USP35: variants seen among roughly 807,000 people sequenced by gnomAD.
The protein encoded by USP35 is ubiquitin carboxyl-terminal hydrolase 35.
In USP35, 69 loss-of-function variants were observed where a neutral mutation model predicts 83.8. The observed-to-expected ratio is 0.82, with a 90% CI of 0.68 to 1.01. The LOEUF (loss-of-function observed/expected upper bound fraction) is 1.01. Ranked by LOEUF, USP35 falls within the 50% of genes least tolerant of loss-of-function variation. The pLI is 0.00. For missense variants in USP35, 1,503 were observed against 1,362.5 expected, an observed-to-expected ratio of 1.10 and a Z score of -1.62; for synonymous variants, 714 against 589.5, an observed-to-expected ratio of 1.21 and a Z score of -3.06.
Position 78,214,171 on chromosome 11 carries a change from A to G in USP35, c.*358A>G, listed in dbSNP as rs775049457. On this transcript the variant is annotated 3_prime_UTR_variant, in exon 11 of 11. Transcript: ENST00000529308. Reference sequence around the variant, plus strand: ...CCTCAGCTCCAATGTTTTGACATCAAGTACTATTTTCCTTCCGACTGCTGT... The same window carrying G: ...CCTCAGCTCCAATGTTTTGACATCAGGTACTATTTTCCTTCCGACTGCTGT... 56 of 190,038 alleles carry G rather than the reference A, an allele frequency of 2.9e-4. No homozygotes were observed. Among genetic ancestry groups the G allele is most frequent in the Admixed American group, 1.9e-3 (30 of 15,790 alleles). 11.8% of individuals were successfully genotyped at this position (190,038 alleles called of 1,614,324 possible).
Position 78,197,683 on chromosome 11 carries a change from G to A in USP35, c.674-253G>A, listed in dbSNP as rs572999309. Among the ~76,000 whole-genome samples, 7 of 152,184 alleles carry A rather than the reference G, an allele frequency of 4.6e-5. No homozygotes were observed. The East Asian group carries it at 7.7e-4, about 17-fold the overall frequency. ...CAGCGTTTCCCCTCCTAAAGGCCTT[G>A]CCCTGAAACCCACTCTTGATCAGTG... On this transcript the variant is annotated intron_variant, in intron 2 of 10. Coordinates refer to ENST00000529308, the MANE Select transcript of USP35 (RefSeq NM_020798.4).
intron 6 of USP35, among the ~76,000 whole-genome samples, chr11:78,204,658 C>T (rs1863480001): frequency 6.6e-6 from 1 of 152,050 alleles, no homozygotes; most frequent in Non-Finnish European, 1.5e-5. Flanking sequence ...GGTGGAGGGA[C>T]AGGCGAGGAG....
intron 7 of USP35, 84 bp downstream of exon 7, chr11:78,206,119 G>C (rs1376412680): frequency 1.3e-6 from 2 of 1,502,568 alleles, no homozygotes; most frequent in East Asian, 2.3e-5. Context: ...TGTCCGGGGT[G>C]GGGGTTGGAG....
At position 78,196,107 on chromosome 11, in the gene USP35, C is replaced by G; in HGVS notation, c.-10-129C>G. On this transcript the variant is annotated intron_variant, in intron 1 of 10. Coordinates refer to ENST00000529308, the MANE Select transcript of USP35 (RefSeq NM_020798.4). This position sits in a 1 kb window ranked among gnomAD's most constrained non-coding sequence, Gnocchi z 4.8. ...GTGAAATGACGCCCTTGCCCCATTTCACAGATGAGAAAACTGAGGCCCAGA... is the reference window on the plus strand; with the variant it reads ...GTGAAATGACGCCCTTGCCCCATTTGACAGATGAGAAAACTGAGGCCCAGA... 1 of 1,393,184 alleles carries G rather than the reference C, an allele frequency of 7.2e-7. No individual in the cohort carries two copies. Among genetic ancestry groups the G allele is most frequent in the Non-Finnish European group, 9.3e-7 (1 of 1,073,768 alleles). The allele number at this position is 1,393,184 out of a possible 1,614,324, so 86.3% of individuals were successfully genotyped here.
At chr11:78,233,040 G>GTTTTTTTTTT in the USP35 span, among the ~76,000 whole-genome samples, 1,016 of 131,764 alleles carry the variant, frequency 7.7e-3, 39 homozygotes, top group African/African-American at 0.027. Flanking sequence ...GCACTGTTAA[G>GTTTTTTTTTT]TTTTTTTTTT....
Position 78,196,645 on chromosome 11 carries a change from G to A in USP35, c.400G>A (p.Glu134Lys), listed in dbSNP as rs558845630. 1.5e-6 allele frequency: 2 copies of A among 1,376,754 alleles called. No homozygotes were observed. The highest frequency in any genetic ancestry group is 1.9e-6 in the Non-Finnish European group (2 of 1,073,916). The allele number at this position is 1,376,754 out of a possible 1,614,324, so 85.3% of individuals were successfully genotyped here. Residue 134 changes from glutamate (E) to lysine (K), a missense_variant, in exon 2 of 11, where the codon GAG becomes AAG. Physicochemically the swap from Glu to Lys is moderately conservative, Grantham distance 56. Transcript: ENST00000529308. The surrounding 1 kb of genome is among the most constrained non-coding windows in gnomAD (Gnocchi z 4.8). Reference sequence around the variant, plus strand: ...GCGCGAGGTGCTGCGCACCGTGTGCGAGCGCCCGGGCCCCGCGGCCTGCGC... The same window carrying A: ...GCGCGAGGTGCTGCGCACCGTGTGCAAGCGCCCGGGCCCCGCGGCCTGCGC... ...LRREVLRTVCERPGPAACAQV... is the reference protein window; with the variant it reads ...LRREVLRTVCKRPGPAACAQV...
intron 1 of USP35, among the ~76,000 whole-genome samples, chr11:78,190,572 C>T (rs1256238384): frequency 6.6e-6 from 1 of 152,212 alleles, no homozygotes; most frequent in Admixed American, 6.5e-5. Flanking sequence ...GGGCACTGGG[C>T]TCAGAGACGG....
At chr11:78,223,905 ACCT>A in the USP35 span, among the ~76,000 whole-genome samples, 1 of 151,904 alleles carries the variant, frequency 6.6e-6, no homozygotes. Flanking sequence ...ACATGGCAAA[ACCT>A]CCTCTCTACT....
At chr11:78,215,235 G>A (rs1023615885), downstream of USP35, 7 of 152,458 alleles carry the variant, frequency 4.6e-5, no homozygotes, top group South Asian at 2.1e-4. Context: ...GGAACAGACT[G>A]GAGTGAGAAC....
chr11:78,222,014 C>T, the USP35 span: 1 of 860,596 alleles, frequency 1.2e-6, no homozygotes, highest in South Asian at 1.4e-5. Context: ...CATCAGAATC[C>T]AGCTGTCCCG....
chr11:78,199,395 G>A, intron 3 of USP35, 200 bp from the exon 4 acceptor site: 2 of 706,726 alleles, frequency 2.8e-6, no homozygotes, highest in Non-Finnish European at 4.6e-6. Context: ...TGGGCTGGGA[G>A]CCTCAGTGTC....
At chr11:78,226,656 A>T in the USP35 span, 3 of 1,613,900 alleles carry the variant, frequency 1.9e-6, no homozygotes, top group South Asian at 3.3e-5. Flanking sequence ...GGCCACTGTC[A>T]TGGCATTGTG....
intron 7 of USP35, among the ~76,000 whole-genome samples, chr11:78,206,812 T>G (rs1863543186): frequency 6.6e-6 from 1 of 152,238 alleles, no homozygotes. Context: ...CCAGAGCTGC[T>G]TGTGAGAACA....
the USP35 span, among the ~76,000 whole-genome samples, chr11:78,228,697 T>C: frequency 2.0e-5 from 3 of 152,130 alleles, no homozygotes; most frequent in African/African-American, 7.2e-5. Flanking sequence ...AAACCTTCAC[T>C]GATGCTCCTC....
intron 6 of USP35, among the ~76,000 whole-genome samples, chr11:78,201,436 G>A (rs536752505): frequency 1.7e-3 from 255 of 152,358 alleles, no homozygotes; most frequent in African/African-American, 5.9e-3. Context: ...ATCGCAGCCT[G>A]GTGAGGGTGA....
At chr11:78,234,967 G>A in the USP35 span, among the ~76,000 whole-genome samples, 15 of 151,988 alleles carry the variant, frequency 9.9e-5, no homozygotes, top group African/African-American at 3.4e-4. Context: ...CTGAGATCAT[G>A]CCACTGCATT....
At chr11:78,217,332 C>T (rs1864198350), downstream of USP35, 1 of 152,200 alleles carries the variant, frequency 6.6e-6, no homozygotes, top group Non-Finnish European at 1.5e-5. Context: ...AAACTGGAGA[C>T]AGCAGCCATT....
chr11:78,192,393 T>G (rs2137021764), intron 1 of USP35, among the ~76,000 whole-genome samples: 1 of 152,360 alleles, frequency 6.6e-6, no homozygotes, highest in Middle Eastern at 3.4e-3. Context: ...GCCATGTTCC[T>G]CTCTCTGAGC....
chr11:78,196,953 C>T lies in USP35; in HGVS notation c.673+35C>T. 2 of 1,431,452 alleles carry T rather than the reference C, an allele frequency of 1.4e-6. No individual in the cohort carries two copies. Among genetic ancestry groups the T allele is most frequent in the Non-Finnish European group, 9.1e-7 (1 of 1,096,876 alleles). The allele number at this position is 1,431,452 out of a possible 1,614,324, so 88.7% of individuals were successfully genotyped here. ...CGGCCGGGGCAGGAGCGCGGGCATGCGGAGGTCCTGGGTGGGCGCTTGGGT... is the reference window on the plus strand; with the variant it reads ...CGGCCGGGGCAGGAGCGCGGGCATGTGGAGGTCCTGGGTGGGCGCTTGGGT... On this transcript the variant is annotated intron_variant, in intron 2 of 10. Coordinates refer to ENST00000529308, the MANE Select transcript of USP35 (RefSeq NM_020798.4). The surrounding 1 kb of genome is among the most constrained non-coding windows in gnomAD (Gnocchi z 4.8).
Sources: allele counts gnomAD v4.1 joint callset (sites outside exome capture counted in the v4.1 genomes callset), GRCh38; gene constraint gnomAD v4.1.1; non-coding constraint Gnocchi (gnomAD v3.1); transcripts MANE v1.5; gene names NCBI Gene and HGNC (gene_info 2026-07-23, HGNC 2026-07-21).